MSRA: variants seen among roughly 807,000 people sequenced by gnomAD.
MSRA encodes the protein mitochondrial peptide methionine sulfoxide reductase.
A neutral mutation model predicts 31.3 loss-of-function variants in MSRA; 54 were observed. The observed-to-expected ratio is 1.73, with a 90% CI of 1.39 to 2.17. The LOEUF (loss-of-function observed/expected upper bound fraction) is 2.17. Ranked by LOEUF, MSRA falls within the 30% of genes most tolerant of loss-of-function variation. The pLI is 0.00. For missense variants in MSRA, 507 were observed against 300.9 expected (o/e 1.69, Z -5.07); for synonymous variants, 169 against 116.5 (o/e 1.45, Z -2.90).
At chr8:10,142,087 T>G (rs1323910030) in intron 1 of MSRA, among the ~76,000 whole-genome samples, 4 of 152,142 alleles carry the variant, frequency 2.6e-5, no homozygotes, top group Non-Finnish European at 1.5e-5. Flanking sequence ...GACTGCCGAG[T>G]AGCTGGGATT....
At chr8:10,178,211 C>T (rs796233628) in intron 1 of MSRA, among the ~76,000 whole-genome samples, 11 of 152,034 alleles carry the variant, frequency 7.2e-5, no homozygotes, top group African/African-American at 2.7e-4. Flanking sequence ...ATCAGGAGAC[C>T]CAGGGGTGTA....
intron 1 of MSRA, among the ~76,000 whole-genome samples, chr8:10,076,914 C>T (rs1798020895): frequency 6.6e-6 from 1 of 150,544 alleles, no homozygotes; most frequent in Admixed American, 6.6e-5. Flanking sequence ...GGAGGGAGAA[C>T]ATTAGAAAAA....
At chr8:10,201,472 G>C (rs113591068) in intron 1 of MSRA, among the ~76,000 whole-genome samples, 193 of 152,260 alleles carry the variant, frequency 1.3e-3, no homozygotes, top group African/African-American at 4.5e-3. Flanking sequence ...TGGTCACCCA[G>C]TCCCCACTGC....
intron 5 of MSRA, among the ~76,000 whole-genome samples, chr8:10,335,906 G>T (rs911739947): frequency 6.6e-6 from 1 of 152,158 alleles, no homozygotes. Flanking sequence ...GGTAACTTGA[G>T]ACCACATGAT....
At chr8:10,100,986 C>G (rs186623522) in intron 1 of MSRA, among the ~76,000 whole-genome samples, 1 of 152,282 alleles carries the variant, frequency 6.6e-6, no homozygotes. Context: ...ATTAGCCCTT[C>G]TAAGTTATTG....
chr8:10,148,305 CTT>C (rs1303045833), intron 1 of MSRA, among the ~76,000 whole-genome samples: 31 of 138,042 alleles, frequency 2.2e-4, no homozygotes, highest in Admixed American at 2.9e-4. Context: ...AAGAGTTTTT[CTT>C]TTTTTTTTTT....
intron 5 of MSRA, among the ~76,000 whole-genome samples, chr8:10,339,021 T>A (rs1803238559): frequency 6.6e-6 from 1 of 152,200 alleles, no homozygotes; most frequent in South Asian, 2.1e-4. Flanking sequence ...TGATGAAAGA[T>A]CTGGCATTTT....
chr8:10,191,317 C>T (rs1203728265), intron 1 of MSRA, among the ~76,000 whole-genome samples: 2 of 152,188 alleles, frequency 1.3e-5, no homozygotes, highest in Non-Finnish European at 2.9e-5. Flanking sequence ...CAAAACCCCA[C>T]CGAAATACAG....
At chr8:10,093,790 C>G (rs1488823742) in intron 1 of MSRA, among the ~76,000 whole-genome samples, 1 of 152,178 alleles carries the variant, frequency 6.6e-6, no homozygotes, top group East Asian at 1.9e-4. Flanking sequence ...TCCTTTATTT[C>G]TTGTAGAGCA....
At chr8:10,075,779 C>G (rs535781705) in intron 1 of MSRA, among the ~76,000 whole-genome samples, 2 of 152,330 alleles carry the variant, frequency 1.3e-5, no homozygotes, top group East Asian at 1.9e-4. Flanking sequence ...ATATTATTCT[C>G]TGGATTTATT....
chr8:10,164,207 T>C (rs1053313665), intron 1 of MSRA, among the ~76,000 whole-genome samples: 4 of 152,264 alleles, frequency 2.6e-5, no homozygotes, highest in African/African-American at 9.6e-5. Context: ...TCACCAGTCA[T>C]GAACGATTGC....
At chr8:10,382,472 C>A (rs1017333888) in intron 5 of MSRA, among the ~76,000 whole-genome samples, 2 of 152,200 alleles carry the variant, frequency 1.3e-5, no homozygotes, top group African/African-American at 4.8e-5. Context: ...TCATCTTGAC[C>A]TGCAAGGAGG....
At chr8:10,323,090 A>AG in intron 5 of MSRA, among the ~76,000 whole-genome samples, 1 of 5,354 alleles carries the variant, frequency 1.9e-4, no homozygotes, top group East Asian at 0.028. Context: ...ACTCCATCTC[A>AG]AAAAAAAAAA....
At chr8:10,206,345 A>G (rs1808974558) in intron 1 of MSRA, among the ~76,000 whole-genome samples, 1 of 152,114 alleles carries the variant, frequency 6.6e-6, no homozygotes, top group African/African-American at 2.4e-5. Context: ...AGACCTCTAT[A>G]AGGCCACTGA....
chr8:10,385,227 G>T (rs1305572405), intron 5 of MSRA, among the ~76,000 whole-genome samples: 3 of 152,186 alleles, frequency 2.0e-5, no homozygotes, highest in Non-Finnish European at 4.4e-5. Context: ...GCACGCCAGG[G>T]TGATCAGACC....
At chr8:10,069,417 C>T (rs140488572) in intron 1 of MSRA, among the ~76,000 whole-genome samples, 2,731 of 152,280 alleles carry the variant, frequency 0.018, 29 homozygotes, top group Non-Finnish European at 0.021. Context: ...TGTTTGTCCT[C>T]GTCCATTCGT....
intron 5 of MSRA, among the ~76,000 whole-genome samples, chr8:10,345,038 ATCTC>A (rs1022977153): frequency 9.2e-5 from 14 of 151,960 alleles, no homozygotes; most frequent in African/African-American, 3.4e-4. Flanking sequence ...GGCTGTCTGG[ATCTC>A]TCTCTCTTTC....
intron 1 of MSRA, among the ~76,000 whole-genome samples, chr8:10,172,492 A>G (rs1349424289): frequency 6.6e-6 from 1 of 151,434 alleles, no homozygotes; most frequent in East Asian, 1.9e-4. Flanking sequence ...CTAGCTTGGA[A>G]CTCTGGCTGA....
intron 1 of MSRA, among the ~76,000 whole-genome samples, chr8:10,155,852 G>A (rs1804112636): frequency 6.6e-6 from 1 of 152,084 alleles, no homozygotes; most frequent in Non-Finnish European, 1.5e-5. Context: ...AAATATAGAA[G>A]GAGTTAGAGA....
Sources: gnomAD v4.1 joint callset for allele counts (sites outside exome capture counted in the v4.1 genomes callset) on GRCh38, gnomAD v4.1.1 for gene constraint, MANE v1.5 for transcripts, NCBI Gene and HGNC (gene_info 2026-07-23, HGNC 2026-07-21) for gene names.